MEIS2: variants seen among roughly 807,000 people sequenced by gnomAD.
MEIS2 encodes the protein homeobox protein Meis2.
Under a neutral mutation model 58.6 loss-of-function variants are expected in MEIS2, and 9 were observed. That is an observed-to-expected ratio of 0.15 (90% confidence interval 0.09 to 0.27). The LOEUF (loss-of-function observed/expected upper bound fraction) is 0.27. MEIS2 is among the 10% of genes least tolerant of loss of function. MEIS2 has a pLI of 1.00. For synonymous variants in MEIS2, 221 were observed against 228.4 expected (o/e 0.97, Z 0.29); for missense variants, 427 against 635.0 (o/e 0.67, Z 3.52).
intron 8 of MEIS2, among the ~76,000 whole-genome samples, chr15:36,993,655 A>AT (rs534483112): frequency 1.7e-4 from 26 of 152,320 alleles, no homozygotes; most frequent in Non-Finnish European, 3.1e-4. Context: ...GTGCTGCACT[A>AT]TCAGGCACAA....
chr15:37,054,521 A>T (rs2063052157), intron 7 of MEIS2, among the ~76,000 whole-genome samples: 1 of 152,180 alleles, frequency 6.6e-6, no homozygotes, highest in Non-Finnish European at 1.5e-5. Context: ...GGCTTAAGCG[A>T]TCCACCCACC....
intron 7 of MEIS2, among the ~76,000 whole-genome samples, chr15:37,071,895 A>G (rs1890759558): frequency 6.6e-6 from 1 of 152,130 alleles, no homozygotes; most frequent in South Asian, 2.1e-4. Flanking sequence ...TGTGCAAATG[A>G]AATATTCTTC....
intron 3 of MEIS2, 43 bp downstream of exon 3, chr15:37,096,246 A>C (rs1408458212): frequency 6.5e-7 from 1 of 1,533,992 alleles, no homozygotes; most frequent in African/African-American, 1.4e-5. Flanking sequence ...GGGGAGGGGT[A>C]GTGAGGGACT....
intron 9 of MEIS2, among the ~76,000 whole-genome samples, chr15:36,913,077 T>C (rs1159654999): frequency 6.6e-6 from 1 of 152,200 alleles, no homozygotes; most frequent in East Asian, 1.9e-4. Flanking sequence ...AAAGGGTATA[T>C]TTAAATTCTA....
intron 9 of MEIS2, among the ~76,000 whole-genome samples, chr15:36,902,416 G>A (rs1326530686): frequency 6.6e-6 from 1 of 151,702 alleles, no homozygotes; most frequent in Non-Finnish European, 1.5e-5. Context: ...CTGCAGGGGT[G>A]GGAGGTGGAT....
At chr15:36,971,536 T>TAAAAAAAAAAAAAAA (rs1567126001) in intron 8 of MEIS2, among the ~76,000 whole-genome samples, 662 of 65,416 alleles carry the variant, frequency 0.01, 147 homozygotes, top group Non-Finnish European at 0.013. Flanking sequence ...CCTTGTTACA[T>TAAAAAAAAAAAAAAA]TAAAAAAAAA....
At chr15:36,917,965 T>C (rs2057350070) in intron 9 of MEIS2, among the ~76,000 whole-genome samples, 1 of 152,242 alleles carries the variant, frequency 6.6e-6, no homozygotes, top group African/African-American at 2.4e-5. Context: ...CTCCTTTCTC[T>C]TATTAATAAT....
At chr15:37,100,691 G>A (rs1315237604), upstream of MEIS2, among the ~76,000 whole-genome samples, 4 of 151,296 alleles carry the variant, frequency 2.6e-5, no homozygotes, top group Admixed American at 2.0e-4. Flanking sequence ...GAAAAGGAGA[G>A]TGTGTCTGTG....
intron 8 of MEIS2, among the ~76,000 whole-genome samples, chr15:37,005,436 G>T (rs1223550320): frequency 6.6e-6 from 1 of 152,198 alleles, no homozygotes; most frequent in Non-Finnish European, 1.5e-5. Flanking sequence ...AAGCTTTCAG[G>T]TGTGGTGGCA....
intron 6 of MEIS2, among the ~76,000 whole-genome samples, chr15:37,089,533 T>G (rs1392938113): frequency 3.3e-5 from 5 of 152,192 alleles, no homozygotes; most frequent in African/African-American, 1.2e-4. Flanking sequence ...TCATTTAAAT[T>G]ACAGCTTTCA....
chr15:37,023,329 G>A (rs988086354), intron 8 of MEIS2, among the ~76,000 whole-genome samples: 1 of 152,040 alleles, frequency 6.6e-6, no homozygotes, highest in Non-Finnish European at 1.5e-5. Context: ...GGGTTGATTT[G>A]TGAATTCCTA....
At chr15:36,916,529 T>G (rs1214403398) in intron 9 of MEIS2, among the ~76,000 whole-genome samples, 1 of 151,330 alleles carries the variant, frequency 6.6e-6, no homozygotes, top group Non-Finnish European at 1.5e-5. Context: ...ACTTCTGGGC[T>G]CAAGCAATCC....
chr15:36,923,790 C>G (rs1490241561), intron 9 of MEIS2, among the ~76,000 whole-genome samples: 1 of 152,186 alleles, frequency 6.6e-6, no homozygotes, highest in Middle Eastern at 3.2e-3. Context: ...TTTTGTTCAC[C>G]TTGACACACT....
At chr15:36,999,889 A>C (rs117534628) in intron 8 of MEIS2, among the ~76,000 whole-genome samples, 1 of 152,278 alleles carries the variant, frequency 6.6e-6, no homozygotes, top group Non-Finnish European at 1.5e-5. Flanking sequence ...AAAATTTTTA[A>C]CATGCTTTTT....
intron 9 of MEIS2, among the ~76,000 whole-genome samples, chr15:36,909,560 G>C (rs1446090118): frequency 6.6e-6 from 1 of 152,160 alleles, no homozygotes; most frequent in Non-Finnish European, 1.5e-5. Flanking sequence ...GAACTAAGGT[G>C]GGAAATAACT....
In MEIS2 at chr15:36,966,088, C is replaced by T. The variant is rs979544024; in HGVS notation, c.901-15688G>A. Among the ~76,000 whole-genome samples, 3 of 152,194 alleles carry T rather than the reference C, an allele frequency of 2.0e-5. No individual in the cohort carries two copies. The South Asian group carries it at 6.2e-4, about 32-fold the overall frequency. On this transcript the variant is annotated intron_variant, in intron 8 of 11. Transcript: ENST00000561208. ...ATAGATTCCAAGTTTTGAACAGTTC[C>T]TAGGCTATCCAAGTGGGAATTTGGC...
At chr15:37,097,634 A>G (rs1894447172) in intron 2 of MEIS2, among the ~76,000 whole-genome samples, 1 of 152,192 alleles carries the variant, frequency 6.6e-6, no homozygotes, top group Non-Finnish European at 1.5e-5. Context: ...GGCCTCTGTT[A>G]GGGAGCCTGA....
intron 6 of MEIS2, among the ~76,000 whole-genome samples, chr15:37,091,205 A>G (rs1893471066): frequency 6.6e-6 from 1 of 152,070 alleles, no homozygotes; most frequent in Non-Finnish European, 1.5e-5. Context: ...GCATAAGAGG[A>G]TTTGCTTTGA....
chr15:37,025,809 C>A (rs559049565), intron 8 of MEIS2, among the ~76,000 whole-genome samples: 2 of 150,728 alleles, frequency 1.3e-5, no homozygotes, highest in South Asian at 2.1e-4. Context: ...CAACAAAGGT[C>A]ATATTAAAAA....
Sources: allele counts gnomAD v4.1 joint callset (sites outside exome capture counted in the v4.1 genomes callset), GRCh38; gene constraint gnomAD v4.1.1; transcripts MANE v1.5; gene names NCBI Gene and HGNC (gene_info 2026-07-23, HGNC 2026-07-21).